GSK3B: variants seen among roughly 807,000 people sequenced by gnomAD.
GSK3B encodes glycogen synthase kinase-3 beta.
GSK3B carries 15 observed loss-of-function variants against 56.4 expected under a neutral mutation model. The observed-to-expected ratio is 0.27, with a 90% CI of 0.18 to 0.41. GSK3B has a LOEUF of 0.41. GSK3B is among the 10% of genes least tolerant of loss of function. GSK3B has a pLI of 1.00. For synonymous variants in GSK3B, 181 were observed against 188.9 expected, an observed-to-expected ratio of 0.96 and a Z score of 0.34; for missense variants, 300 against 513.4, an observed-to-expected ratio of 0.58 and a Z score of 4.02.
chr3:119,964,115 G>A (rs1273112555), intron 2 of GSK3B, among the ~76,000 whole-genome samples: 2 of 152,088 alleles, frequency 1.3e-5, no homozygotes, highest in Non-Finnish European at 2.9e-5. Context: ...TGTCTGACAA[G>A]GAGTTAATTT....
intron 2 of GSK3B, among the ~76,000 whole-genome samples, chr3:119,992,328 T>C (rs1193632587): frequency 1.3e-5 from 2 of 152,078 alleles, no homozygotes; most frequent in East Asian, 3.8e-4. Flanking sequence ...TGTAGAAATT[T>C]AGCATATAAT....
At chr3:119,908,565 G>T (rs888541525) in intron 6 of GSK3B, among the ~76,000 whole-genome samples, 1 of 152,138 alleles carries the variant, frequency 6.6e-6, no homozygotes, top group Non-Finnish European at 1.5e-5. Context: ...TCGACCACAA[G>T]CAAAATATTC....
chr3:119,986,659 C>T (rs1341812144), intron 2 of GSK3B, among the ~76,000 whole-genome samples: 3 of 152,090 alleles, frequency 2.0e-5, no homozygotes, highest in South Asian at 2.1e-4. Flanking sequence ...GTTAGAATGG[C>T]GGTCGTTAAA....
rs569416159 is a variant in GSK3B, at chr3:119,870,347, T to C, written c.909+6066A>G. On this transcript the variant is annotated intron_variant, in intron 8 of 10. Transcript: ENST00000264235. ...AAGGACAAAGACTATATATTTTACT[T>C]CTTTTGCATGCTTTATGGTACCCAG... is the stretch of plus-strand genomic sequence containing the variant. Among the ~76,000 whole-genome samples the C allele has an allele frequency of 2.0e-5, 3 of 152,344 alleles. No homozygotes were observed. In the East Asian group the frequency reaches 5.8e-4, roughly 29 times the overall value.
chr3:120,083,344 G>A (rs977667957), intron 1 of GSK3B, among the ~76,000 whole-genome samples: 1 of 152,226 alleles, frequency 6.6e-6, no homozygotes, highest in East Asian at 1.9e-4. Flanking sequence ...AACGGGGCCT[G>A]GAGAACAACT....
chr3:119,887,017 A>T (rs1286766363), intron 7 of GSK3B, among the ~76,000 whole-genome samples: 1 of 152,152 alleles, frequency 6.6e-6, no homozygotes, highest in African/African-American at 2.4e-5. Flanking sequence ...AAAGTTGGAA[A>T]AAAATATTTT....
chr3:119,830,368 A>G (rs767172456), intron 10 of GSK3B, among the ~76,000 whole-genome samples: 1 of 152,240 alleles, frequency 6.6e-6, no homozygotes, highest in African/African-American at 2.4e-5. Context: ...ATTTTACACA[A>G]TGGAATCTGA....
intron 1 of GSK3B, among the ~76,000 whole-genome samples, chr3:120,073,204 C>A (rs1317037017): frequency 3.0e-5 from 4 of 135,214 alleles, no homozygotes; most frequent in Non-Finnish European, 6.2e-5. Flanking sequence ...GAGACCTCAT[C>A]TCTACAAAAA....
chr3:119,831,518 A>G (rs894362928), intron 10 of GSK3B, among the ~76,000 whole-genome samples: 5 of 152,136 alleles, frequency 3.3e-5, no homozygotes, highest in South Asian at 4.2e-4. Context: ...TTAGCTGGGC[A>G]TAGTGGCGGG....
chr3:119,968,052 T>TCACCG (rs1456721358), intron 2 of GSK3B, among the ~76,000 whole-genome samples: 1 of 152,168 alleles, frequency 6.6e-6, no homozygotes, highest in Admixed American at 6.5e-5. Context: ...GGACGGGGTT[T>TCACCG]CACCGTGTTA....
At chr3:120,061,132 G>T (rs2058232702) in intron 1 of GSK3B, among the ~76,000 whole-genome samples, 1 of 152,168 alleles carries the variant, frequency 6.6e-6, no homozygotes, top group African/African-American at 2.4e-5. Context: ...GCGTTGCTTA[G>T]AATTCCATTA....
intron 1 of GSK3B, among the ~76,000 whole-genome samples, chr3:120,074,523 G>C (rs1446003602): frequency 1.3e-5 from 2 of 151,460 alleles, no homozygotes; most frequent in Non-Finnish European, 2.9e-5. Context: ...GGCTAATTTT[G>C]GTCAGGCTGG....
chr3:119,997,516 G>T (rs936673397), intron 2 of GSK3B, among the ~76,000 whole-genome samples: 1 of 152,180 alleles, frequency 6.6e-6, no homozygotes, highest in Non-Finnish European at 1.5e-5. Context: ...CACATTTCTG[G>T]ATGGGAAGGC....
At chr3:119,931,532 C>T (rs187951807) in intron 3 of GSK3B, among the ~76,000 whole-genome samples, 5 of 152,250 alleles carry the variant, frequency 3.3e-5, no homozygotes, top group Non-Finnish European at 2.9e-5. Flanking sequence ...ATGAGAATCG[C>T]TTCAACCCAG....
chr3:119,840,546 C>G (rs907388238), intron 10 of GSK3B, among the ~76,000 whole-genome samples: 2 of 152,054 alleles, frequency 1.3e-5, no homozygotes, highest in Non-Finnish European at 2.9e-5. Context: ...ATTTTAAGGT[C>G]TTACAAAAGA....
chr3:119,985,250 G>A (rs748620626), intron 2 of GSK3B, among the ~76,000 whole-genome samples: 4 of 152,114 alleles, frequency 2.6e-5, no homozygotes, highest in African/African-American at 4.8e-5. Flanking sequence ...GGCAAAAACT[G>A]GAAGCATTCC....
In GSK3B at chr3:119,822,500, T is replaced by C. The variant is rs1217268662; in HGVS notation, c.*4288A>G. 2.7e-5 allele frequency: 6 copies of C among 226,330 alleles called. No homozygotes were observed. In the East Asian group the frequency reaches 3.2e-4, roughly 12 times the overall value. 14.0% of individuals were successfully genotyped at this position (226,330 alleles called of 1,614,324 possible). On this transcript the variant is annotated 3_prime_UTR_variant, in exon 11 of 11. Coordinates refer to ENST00000264235, the MANE Select transcript of GSK3B (RefSeq NM_001146156.2). ...GTCAAGCTAACCCCTTATGTACTGGTTGTCATTTTGCTTTTATTGCAGAGG... is the reference window on the plus strand; with the variant it reads ...GTCAAGCTAACCCCTTATGTACTGGCTGTCATTTTGCTTTTATTGCAGAGG...
At chr3:120,063,685 G>T (rs2058256228) in intron 1 of GSK3B, among the ~76,000 whole-genome samples, 1 of 143,800 alleles carries the variant, frequency 7.0e-6, no homozygotes, top group South Asian at 2.2e-4. Flanking sequence ...CCGAGATCGT[G>T]CCATTACACT....
chr3:119,856,256 A>G lies in GSK3B; in HGVS notation c.1096+7163T>C, dbSNP rs576810402. Among the ~76,000 whole-genome samples, 3 of 152,322 alleles carry G rather than the reference A, an allele frequency of 2.0e-5. No individual in the cohort carries two copies. The South Asian group carries it at 6.2e-4, about 32-fold the overall frequency. On this transcript the variant is annotated intron_variant, in intron 9 of 10. Transcript: ENST00000264235. ...TACACCTGTGTAGTTAAAGGGAACT[A>G]GGCTTTAGGTCTGACTTACTCTTTG...
Sources: gnomAD v4.1 joint callset for allele counts (sites outside exome capture counted in the v4.1 genomes callset) on GRCh38, gnomAD v4.1.1 for gene constraint, MANE v1.5 for transcripts, NCBI Gene and HGNC (gene_info 2026-07-23, HGNC 2026-07-21) for gene names.